The following PRKD1 variants were observed in gnomAD, a reference collection of about 807,000 sequenced individuals.
The protein encoded by PRKD1 is protein kinase D1.
PRKD1 carries 63 observed loss-of-function variants against 95.9 expected under a neutral mutation model. The observed-to-expected ratio is 0.66, with a 90% CI of 0.54 to 0.81. PRKD1 has a LOEUF of 0.81. Ranked by LOEUF, PRKD1 falls within the 30% of genes least tolerant of loss-of-function variation. The probability of loss-of-function intolerance (pLI) is 0.00; values close to 1 mark genes in which losing one functional copy is unlikely to be tolerated. For missense variants in PRKD1, 1,048 were observed against 1,165.3 expected (o/e 0.90, Z 1.47); for synonymous variants, 425 against 423.1 (o/e 1.00, Z -0.05).
At chr14:29,604,357 A>G (rs933766928) in intron 13 of PRKD1, among the ~76,000 whole-genome samples, 1 of 152,178 alleles carries the variant, frequency 6.6e-6, no homozygotes, top group Non-Finnish European at 1.5e-5. Flanking sequence ...GATTCAACCT[A>G]TCTTTGCAAT....
chr14:29,839,891 C>T (rs1891762423), intron 1 of PRKD1, among the ~76,000 whole-genome samples: 1 of 152,032 alleles, frequency 6.6e-6, no homozygotes, highest in South Asian at 2.1e-4. Context: ...ACAGCATGGG[C>T]TCCCTTGGAC....
chr14:29,769,210 A>G (rs1328727555), intron 1 of PRKD1, among the ~76,000 whole-genome samples: 1 of 152,188 alleles, frequency 6.6e-6, no homozygotes, highest in African/African-American at 2.4e-5. Context: ...TTCATGGGAC[A>G]CACTCAGAGA....
Position 29,682,036 on chromosome 14 carries a change from A to G in PRKD1, c.404-15828T>C, listed in dbSNP as rs531522327. On this transcript the variant is annotated intron_variant, in intron 2 of 17. Transcript: ENST00000331968. Reference sequence around the variant, plus strand: ...AAAATGTACACTGCATCCAAAGATAATGAACAAGTGGAAAGTGAGAACTAG... The same window carrying G: ...AAAATGTACACTGCATCCAAAGATAGTGAACAAGTGGAAAGTGAGAACTAG... Among the ~76,000 whole-genome samples, 3 of 152,362 alleles carry G rather than the reference A, an allele frequency of 2.0e-5. No homozygotes were observed. In the East Asian group the frequency reaches 5.8e-4, roughly 29 times the overall value.
At chr14:29,647,820 C>A (rs764365505) in intron 4 of PRKD1, among the ~76,000 whole-genome samples, 1 of 151,336 alleles carries the variant, frequency 6.6e-6, no homozygotes, top group Non-Finnish European at 1.5e-5. Flanking sequence ...TGTACACTGG[C>A]TTAGCAGACG....
chr14:29,842,025 C>T (rs886718073), intron 1 of PRKD1, among the ~76,000 whole-genome samples: 9 of 152,142 alleles, frequency 5.9e-5, no homozygotes, highest in Non-Finnish European at 8.8e-5. Flanking sequence ...TAGCCTAGGC[C>T]TACACAGGGT....
chr14:29,883,806 C>T (rs1242223565), intron 1 of PRKD1, among the ~76,000 whole-genome samples: 2 of 152,112 alleles, frequency 1.3e-5, no homozygotes, highest in Non-Finnish European at 2.9e-5. Flanking sequence ...ATGAGTAAAA[C>T]GAGAACACAA....
In PRKD1 at chr14:29,631,040, AC is replaced by A; in HGVS notation, c.1393-20del. ...GAATTTCCTGTGAAAGAAAAAAAGT[AC>A]TAAATGTTGTTTATCAAAAGTATGT... On this transcript the variant is annotated intron_variant, in intron 9 of 17. Transcript: ENST00000331968. 1.3e-6 allele frequency: 2 copies of A among 1,579,820 alleles called. No individual in the cohort carries two copies. Among genetic ancestry groups the A allele is most frequent in the South Asian group, 2.3e-5 (2 of 86,666 alleles).
At chr14:29,881,243 C>T (rs187847933) in intron 1 of PRKD1, among the ~76,000 whole-genome samples, 43 of 152,190 alleles carry the variant, frequency 2.8e-4, no homozygotes, top group Admixed American at 2.6e-3. Context: ...CGGTCTTTTC[C>T]GTGCTATTCT....
chr14:29,684,422 C>G (rs1883732989), intron 2 of PRKD1, among the ~76,000 whole-genome samples: 3 of 152,090 alleles, frequency 2.0e-5, no homozygotes, highest in Admixed American at 2.0e-4. Flanking sequence ...ATATTTTGTA[C>G]CAGTAATTTA....
chr14:29,789,722 A>G (rs146118531), intron 1 of PRKD1, among the ~76,000 whole-genome samples: 7 of 152,244 alleles, frequency 4.6e-5, no homozygotes, highest in Admixed American at 4.6e-4. Flanking sequence ...ATGCATGTAT[A>G]TCAGTGGCAG....
intron 1 of PRKD1, among the ~76,000 whole-genome samples, chr14:29,746,379 AC>A (rs1178953483): frequency 1.3e-5 from 2 of 151,990 alleles, no homozygotes; most frequent in East Asian, 1.9e-4. Context: ...ACCTTCAACC[AC>A]CAAGCACCTG....
intron 1 of PRKD1, among the ~76,000 whole-genome samples, chr14:29,833,823 G>C (rs564751792): frequency 6.6e-6 from 1 of 151,494 alleles, no homozygotes; most frequent in Non-Finnish European, 1.5e-5. Context: ...ATATAAAAAA[G>C]CAATCCCTTT....
At chr14:29,863,405 C>T (rs563406794) in intron 1 of PRKD1, among the ~76,000 whole-genome samples, 18 of 152,280 alleles carry the variant, frequency 1.2e-4, no homozygotes, top group African/African-American at 3.8e-4. Context: ...GAAAATCCCA[C>T]TCCCCTGGAG....
chr14:29,710,484 C>T (rs1228964694), intron 2 of PRKD1, among the ~76,000 whole-genome samples: 1 of 152,026 alleles, frequency 6.6e-6, no homozygotes, highest in Non-Finnish European at 1.5e-5. Flanking sequence ...GATTGGTGAC[C>T]ATTCTACAGG....
intron 4 of PRKD1, among the ~76,000 whole-genome samples, chr14:29,660,602 G>A (rs995991100): frequency 1.3e-5 from 2 of 152,074 alleles, no homozygotes; most frequent in South Asian, 2.1e-4. Flanking sequence ...TTACACCTAG[G>A]AACAGACGTT....
chr14:29,612,430 T>C (rs1489214571), intron 13 of PRKD1, among the ~76,000 whole-genome samples: 1 of 152,124 alleles, frequency 6.6e-6, no homozygotes, highest in Non-Finnish European at 1.5e-5. Context: ...TGCTGGGAAA[T>C]AATGATTTTT....
At chr14:29,696,057 T>G (rs1884498257) in intron 2 of PRKD1, among the ~76,000 whole-genome samples, 1 of 152,244 alleles carries the variant, frequency 6.6e-6, no homozygotes, top group Non-Finnish European at 1.5e-5. Context: ...AGTCTTCTTT[T>G]GCAATTTCTG....
intron 1 of PRKD1, among the ~76,000 whole-genome samples, chr14:29,733,081 T>C (rs1174818531): frequency 6.7e-6 from 1 of 150,300 alleles, no homozygotes; most frequent in East Asian, 2.0e-4. Context: ...TCTTTTCTTT[T>C]TTTATTTTTT....
chr14:29,881,890 A>G (rs1189336251), intron 1 of PRKD1, among the ~76,000 whole-genome samples: 1 of 152,138 alleles, frequency 6.6e-6, no homozygotes, highest in African/African-American at 2.4e-5. Context: ...TGTTCCTCAT[A>G]CCAGAAATCC....
Sources: gnomAD v4.1 joint callset for allele counts (sites outside exome capture counted in the v4.1 genomes callset) on GRCh38, gnomAD v4.1.1 for gene constraint, MANE v1.5 for transcripts, NCBI Gene and HGNC (gene_info 2026-07-23, HGNC 2026-07-21) for gene names.